DNAI4: variants seen among roughly 807,000 people sequenced by gnomAD.
The protein encoded by DNAI4 is WD repeat domain 78.
DNAI4 carries 85 observed loss-of-function variants against 105.8 expected under a neutral mutation model. That is an observed-to-expected ratio of 0.80 (90% CI 0.67 to 0.96). DNAI4 has a LOEUF of 0.96. Among genes scored for constraint, DNAI4 ranks in the 40% least tolerant of loss-of-function variants. DNAI4 has a pLI of 0.00. For missense variants in DNAI4, 1,014 were observed against 1,005.6 expected, an observed-to-expected ratio of 1.01 and a Z score of -0.11; for synonymous variants, 352 against 331.5, an observed-to-expected ratio of 1.06 and a Z score of -0.67.
At chr1:66,820,258 T>C (rs1032566219) in intron 16 of DNAI4, among the ~76,000 whole-genome samples, 8 of 150,644 alleles carry the variant, frequency 5.3e-5, no homozygotes, top group African/African-American at 1.9e-4. Context: ...CAAAAAAAAA[T>C]ACAGATGATA....
intron 4 of DNAI4, among the ~76,000 whole-genome samples, chr1:66,885,171 T>C (rs775921311): frequency 4.1e-4 from 63 of 152,380 alleles, no homozygotes; most frequent in South Asian, 1.0e-3. Context: ...TTATGATTTC[T>C]AGCTTATTGC....
intron 10 of DNAI4, among the ~76,000 whole-genome samples, chr1:66,836,399 T>C (rs988834717): frequency 6.6e-6 from 1 of 151,912 alleles, no homozygotes; most frequent in African/African-American, 2.4e-5. Context: ...TATATTTTGG[T>C]AATCTTTCAG....
intron 1 of DNAI4, among the ~76,000 whole-genome samples, chr1:66,916,548 G>C (rs1313709959): frequency 2.0e-5 from 3 of 152,152 alleles, no homozygotes; most frequent in Admixed American, 6.5e-5. Flanking sequence ...AAGGTCCCGT[G>C]ACTGTTGTGA....
At chr1:66,821,681 C>A (rs1045650872) in intron 16 of DNAI4, among the ~76,000 whole-genome samples, 12 of 151,680 alleles carry the variant, frequency 7.9e-5, no homozygotes, top group Non-Finnish European at 1.8e-4. Context: ...GACCATTGCC[C>A]ATTTTTTTAT....
chr1:66,894,480 GA>G (rs1016612876), intron 2 of DNAI4, among the ~76,000 whole-genome samples: 81 of 151,938 alleles, frequency 5.3e-4, no homozygotes, highest in African/African-American at 2.0e-3. Context: ...TATATTTGAT[GA>G]ATATGAGTTA....
chr1:66,840,813 C>T, intron 8 of DNAI4, 142 bp from the exon 9 acceptor site: 2 of 836,010 alleles, frequency 2.4e-6, no homozygotes. Flanking sequence ...TGGCAGGGCA[C>T]CATGAAGGGC....
intron 5 of DNAI4, among the ~76,000 whole-genome samples, chr1:66,873,332 C>T (rs1646890050): frequency 6.6e-6 from 1 of 151,610 alleles, no homozygotes; most frequent in African/African-American, 2.4e-5. Flanking sequence ...GCCACAACTT[C>T]CCGTGATCAA....
At chr1:66,883,605 T>A (rs1436465075) in intron 4 of DNAI4, among the ~76,000 whole-genome samples, 2 of 152,192 alleles carry the variant, frequency 1.3e-5, no homozygotes, top group Non-Finnish European at 2.9e-5. Flanking sequence ...ATTCCTTTTT[T>A]AAAAAGTAAG....
intron 16 of DNAI4, 42 bp downstream of exon 16, chr1:66,822,319 G>A (rs566705643): frequency 1.2e-4 from 180 of 1,524,860 alleles, no homozygotes; most frequent in Non-Finnish European, 1.5e-4. Context: ...TAACTGAATA[G>A]ACTAATAAAA....
chr1:66,855,776 A>T (rs1313942322), intron 7 of DNAI4, among the ~76,000 whole-genome samples: 1 of 152,314 alleles, frequency 6.6e-6, no homozygotes, highest in Middle Eastern at 3.4e-3. Context: ...ACACTCCTCT[A>T]TATCAGTAAT....
intron 6 of DNAI4, among the ~76,000 whole-genome samples, chr1:66,869,429 G>C (rs1301480477): frequency 2.0e-5 from 3 of 150,706 alleles, no homozygotes; most frequent in African/African-American, 7.3e-5. Flanking sequence ...CTTTACTTTT[G>C]GAAAAAAATA....
intron 14 of DNAI4, 168 bp from the exon 15 acceptor site, chr1:66,827,214 A>G: frequency 1.7e-6 from 1 of 590,042 alleles, no homozygotes; most frequent in Admixed American, 3.5e-5. Context: ...TCCCTAAATT[A>G]TTACATTTAG....
chr1:66,832,207 G>A (rs1311949206), intron 13 of DNAI4, among the ~76,000 whole-genome samples: 1 of 152,240 alleles, frequency 6.6e-6, no homozygotes, highest in Non-Finnish European at 1.5e-5. Context: ...AAGGAAGTTA[G>A]AAGATGGCTG....
At chr1:66,886,012 A>T (rs187610834) in intron 4 of DNAI4, among the ~76,000 whole-genome samples, 5 of 152,116 alleles carry the variant, frequency 3.3e-5, no homozygotes, top group Non-Finnish European at 5.9e-5. Context: ...ATTATCCCAC[A>T]GTTCTTGGAT....
rs530815410 is a variant in DNAI4 at position 66,913,983 on chromosome 1, C to CAA, written c.171-8610_171-8609dup. ...TGGGCAACAGAGCAAAACTCCGTCT[C>CAA]AAAAAAAAAAAAAAAAGAAGGTGGA... On this transcript the variant is annotated intron_variant, in intron 1 of 16. Coordinates refer to ENST00000371026, the MANE Select transcript of DNAI4 (RefSeq NM_024763.5). Among the ~76,000 whole-genome samples, 470 of 67,170 alleles carry CAA rather than the reference C, an allele frequency of 7.0e-3. 1 individual carries two copies. Among genetic ancestry groups the CAA allele is most frequent in the African/African-American group, 0.022 (390 of 18,034 alleles). 44.1% of individuals were successfully genotyped at this position (67,170 alleles called of 152,430 possible). A position where few individuals can be genotyped will look rare whatever the true frequency, so the allele number is the denominator to read the frequency against.
intron 1 of DNAI4, among the ~76,000 whole-genome samples, chr1:66,924,440 G>A: frequency 7.7e-6 from 1 of 129,548 alleles, no homozygotes; most frequent in South Asian, 2.4e-4. Flanking sequence ...CCAAAGTGCC[G>A]GGATTACAGG....
chr1:66,873,828 GTCCCT>G (rs1646901235), intron 5 of DNAI4, among the ~76,000 whole-genome samples: 1 of 131,850 alleles, frequency 7.6e-6, no homozygotes, highest in African/African-American at 2.9e-5. Flanking sequence ...GCAATTATCT[GTCCCT>G]TTCTTTTTTC....
intron 2 of DNAI4, among the ~76,000 whole-genome samples, chr1:66,895,457 A>G (rs556155099): frequency 1.5e-4 from 23 of 152,370 alleles, no homozygotes; most frequent in African/African-American, 5.5e-4. Context: ...TGATCAGAGC[A>G]AGACTCATCT....
intron 16 of DNAI4, among the ~76,000 whole-genome samples, chr1:66,816,610 G>A (rs1247280886): frequency 2.6e-5 from 4 of 151,814 alleles, no homozygotes; most frequent in African/African-American, 9.7e-5. Context: ...ATAACCCTAA[G>A]CCTTTCAAAT....
Sources: allele counts gnomAD v4.1 joint callset (sites outside exome capture counted in the v4.1 genomes callset), GRCh38; gene constraint gnomAD v4.1.1; transcripts MANE v1.5; gene names NCBI Gene and HGNC (gene_info 2026-07-23, HGNC 2026-07-21).